Variants in MSRA observed in about 807,000 individuals in gnomAD.
MSRA encodes methionine sulfoxide reductase A.
In MSRA, 54 loss-of-function variants were observed where a neutral mutation model predicts 31.3. The observed-to-expected ratio is 1.73, with a 90% CI of 1.39 to 2.17. The LOEUF (loss-of-function observed/expected upper bound fraction) is 2.17, where lower values mean the gene tolerates loss of function less well. MSRA is among the 30% of genes most tolerant of loss of function. MSRA has a pLI of 0.00. For synonymous variants in MSRA, 169 were observed against 116.5 expected (o/e 1.45, Z -2.90); for missense variants, 507 against 300.9 (o/e 1.69, Z -5.07).
At chr8:10,088,442 A>G (rs778802799) in intron 1 of MSRA, among the ~76,000 whole-genome samples, 4 of 152,330 alleles carry the variant, frequency 2.6e-5, no homozygotes, top group Non-Finnish European at 4.4e-5. Flanking sequence ...ATGTCTATCA[A>G]GGGAGGAACT....
rs1800388162 is a variant in MSRA, at chr8:10,293,918, C to G, written c.332-7616C>G. Among the ~76,000 whole-genome samples, 5 of 152,150 alleles carry G rather than the reference C, an allele frequency of 3.3e-5. No individual in the cohort carries two copies. The South Asian group carries it at 1.0e-3, about 32-fold the overall frequency. Reference sequence around the variant, plus strand: ...ACCTTTCCTTAACACTAAGAATCATCTTGGGCCAGGCATGGTGGCTCATGC... The same window carrying G: ...ACCTTTCCTTAACACTAAGAATCATGTTGGGCCAGGCATGGTGGCTCATGC... On this transcript the variant is annotated intron_variant, in intron 3 of 5. Transcript: ENST00000317173.
intron 1 of MSRA, among the ~76,000 whole-genome samples, chr8:10,130,748 A>G (rs1801836497): frequency 1.3e-5 from 2 of 152,216 alleles, no homozygotes; most frequent in Non-Finnish European, 1.5e-5. Context: ...AAAGCAAATG[A>G]CAATTCTGGC....
At chr8:10,130,939 C>A (rs1801849960) in intron 1 of MSRA, among the ~76,000 whole-genome samples, 1 of 152,134 alleles carries the variant, frequency 6.6e-6, no homozygotes, top group Admixed American at 6.6e-5. Flanking sequence ...TCTTATAGGG[C>A]CTTTAAGAAT....
At chr8:10,190,678 T>A (rs902128709) in intron 1 of MSRA, among the ~76,000 whole-genome samples, 1 of 152,224 alleles carries the variant, frequency 6.6e-6, no homozygotes, top group African/African-American at 2.4e-5. Context: ...TATATTAGAC[T>A]TTCCATTAAC....
intron 5 of MSRA, among the ~76,000 whole-genome samples, chr8:10,333,728 C>A (rs548277257): frequency 6.6e-6 from 1 of 151,922 alleles, no homozygotes; most frequent in Non-Finnish European, 1.5e-5. Context: ...GAGCCGGCCC[C>A]CCTCCATGTT....
chr8:10,173,149 A>C (rs141168245), intron 1 of MSRA, among the ~76,000 whole-genome samples: 4 of 152,248 alleles, frequency 2.6e-5, no homozygotes, highest in African/African-American at 9.6e-5. Flanking sequence ...CCTTAATACA[A>C]ACTGTTTTAT....
At chr8:10,291,572 AAAC>A (rs1368280755) in intron 3 of MSRA, among the ~76,000 whole-genome samples, 1 of 152,154 alleles carries the variant, frequency 6.6e-6, no homozygotes, top group African/African-American at 2.4e-5. Context: ...GCTGGAGATG[AAAC>A]CGAGCTGACA....
chr8:10,241,412 A>C (rs981830333), intron 2 of MSRA, among the ~76,000 whole-genome samples: 2 of 152,248 alleles, frequency 1.3e-5, no homozygotes, highest in East Asian at 1.9e-4. Context: ...GAAACGATCA[A>C]ATATGTTTAA....
intron 1 of MSRA, among the ~76,000 whole-genome samples, chr8:10,172,393 G>A (rs540034217): frequency 2.8e-4 from 42 of 152,188 alleles, no homozygotes; most frequent in Non-Finnish European, 5.6e-4. Flanking sequence ...TCATTCTGGC[G>A]CTGTCTCTGA....
intron 1 of MSRA, among the ~76,000 whole-genome samples, chr8:10,105,679 C>T (rs548857949): frequency 6.6e-6 from 1 of 152,182 alleles, no homozygotes; most frequent in South Asian, 2.1e-4. Context: ...TAAGCACTTT[C>T]TCCTTCCCCT....
At chr8:10,179,134 G>GCAT (rs1469560336) in intron 1 of MSRA, among the ~76,000 whole-genome samples, 2 of 152,254 alleles carry the variant, frequency 1.3e-5, no homozygotes, top group East Asian at 3.9e-4. Context: ...CTGTGTCATG[G>GCAT]CATCCCACAG....
chr8:10,252,377 TG>T (rs1375539284), intron 3 of MSRA, among the ~76,000 whole-genome samples: 1 of 152,190 alleles, frequency 6.6e-6, no homozygotes, highest in African/African-American at 2.4e-5. Context: ...ATCATAGTTT[TG>T]TCATTTGGTT....
intron 3 of MSRA, among the ~76,000 whole-genome samples, chr8:10,276,752 G>T (rs1273358758): frequency 6.6e-6 from 1 of 152,166 alleles, no homozygotes; most frequent in Non-Finnish European, 1.5e-5. Context: ...GGCAGATTTA[G>T]ATCTGCTTGT....
intron 1 of MSRA, among the ~76,000 whole-genome samples, chr8:10,094,105 G>A (rs996658796): frequency 1.3e-5 from 2 of 152,156 alleles, no homozygotes; most frequent in Admixed American, 6.5e-5. Flanking sequence ...GTCTGCCCAC[G>A]TTTCATCATC....
intron 1 of MSRA, among the ~76,000 whole-genome samples, chr8:10,069,263 C>G (rs1208950244): frequency 1.3e-5 from 2 of 152,090 alleles, no homozygotes. Context: ...TTTTTCTTGT[C>G]TTACCACATT....
At chr8:10,407,787 G>C (rs927716038) in intron 5 of MSRA, among the ~76,000 whole-genome samples, 21 of 152,208 alleles carry the variant, frequency 1.4e-4, no homozygotes, top group African/African-American at 4.8e-4. Context: ...TGAAGTATAG[G>C]ATAGCTTACA....
At chr8:10,160,689 C>G (rs1360292884) in intron 1 of MSRA, among the ~76,000 whole-genome samples, 2 of 152,062 alleles carry the variant, frequency 1.3e-5, no homozygotes, top group African/African-American at 4.8e-5. Flanking sequence ...GCTACCACAC[C>G]TGGCTAATTT....
At chr8:10,134,534 T>G (rs1802129717) in intron 1 of MSRA, among the ~76,000 whole-genome samples, 1 of 152,240 alleles carries the variant, frequency 6.6e-6, no homozygotes, top group Non-Finnish European at 1.5e-5. Flanking sequence ...TGTCAGCATG[T>G]GCTCCTGCTG....
chr8:10,329,037 A>C (rs1465192532), intron 5 of MSRA, among the ~76,000 whole-genome samples: 1 of 152,234 alleles, frequency 6.6e-6, no homozygotes, highest in African/African-American at 2.4e-5. Context: ...CTTGACACCG[A>C]AGTTGCTATT....
Sources: gnomAD v4.1 joint callset for allele counts (sites outside exome capture counted in the v4.1 genomes callset) on GRCh38, gnomAD v4.1.1 for gene constraint, MANE v1.5 for transcripts, NCBI Gene and HGNC (gene_info 2026-07-23, HGNC 2026-07-21) for gene names.